The following PXDNL variants were observed in gnomAD, a reference collection of about 807,000 sequenced individuals.
The protein encoded by PXDNL is peroxidasin like.
In PXDNL, 145 loss-of-function variants were observed where a neutral mutation model predicts 150.8. The observed-to-expected ratio is 0.96, with a 90% CI of 0.84 to 1.10. PXDNL has a LOEUF of 1.10. Ranked by LOEUF, PXDNL falls within the 50% of genes least tolerant of loss-of-function variation. The pLI, the probability that PXDNL is intolerant of heterozygous loss-of-function variation, is 0.00. For synonymous variants in PXDNL, 757 were observed against 725.7 expected (o/e 1.04, Z -0.69); for missense variants, 2,087 against 1,873.9 (o/e 1.11, Z -2.10).
intron 1 of PXDNL, among the ~76,000 whole-genome samples, chr8:51,777,110 C>A (rs1386966838): frequency 6.6e-6 from 1 of 152,198 alleles, no homozygotes; most frequent in African/African-American, 2.4e-5. Flanking sequence ...CTTACAGCCA[C>A]ATGCCCATTT....
chr8:51,668,235 C>T (rs1012424183), intron 1 of PXDNL, among the ~76,000 whole-genome samples: 20 of 130,198 alleles, frequency 1.5e-4, no homozygotes, highest in East Asian at 4.7e-4. Context: ...CATGCAGTGG[C>T]GCTATCTCAG....
chr8:51,761,647 T>C (rs1464486673), intron 1 of PXDNL, among the ~76,000 whole-genome samples: 1 of 152,204 alleles, frequency 6.6e-6, no homozygotes, highest in Non-Finnish European at 1.5e-5. Context: ...GGTTTTCTGG[T>C]ATTCTTTTTC....
At chr8:51,592,826 G>T in intron 2 of PXDNL, 128 bp from the exon 3 acceptor site, 1 of 544,360 alleles carries the variant, frequency 1.8e-6, no homozygotes, top group Non-Finnish European at 3.0e-6. Flanking sequence ...CACTAAATTT[G>T]GAAATTTATA....
At chr8:51,548,546 C>G (rs1812413921) in intron 4 of PXDNL, among the ~76,000 whole-genome samples, 1 of 152,034 alleles carries the variant, frequency 6.6e-6, no homozygotes, top group Admixed American at 6.6e-5. Context: ...CCTCCTTAAA[C>G]AAAATAATTG....
At chr8:51,335,906 C>T (rs902340954) in intron 21 of PXDNL, among the ~76,000 whole-genome samples, 8 of 152,170 alleles carry the variant, frequency 5.3e-5, no homozygotes, top group Admixed American at 2.6e-4. Flanking sequence ...ATTTGCAGAC[C>T]ACTTTGGTTA....
intron 1 of PXDNL, among the ~76,000 whole-genome samples, chr8:51,770,531 A>C (rs2037281813): frequency 6.6e-6 from 1 of 152,202 alleles, no homozygotes; most frequent in Non-Finnish European, 1.5e-5. Flanking sequence ...CCATTGGTCC[A>C]TGAGTCCAGG....
At chr8:51,627,058 T>A (rs528754224) in intron 2 of PXDNL, among the ~76,000 whole-genome samples, 1 of 152,350 alleles carries the variant, frequency 6.6e-6, no homozygotes, top group South Asian at 2.1e-4. Flanking sequence ...AAAGCATATA[T>A]CTTTATTTGA....
At chr8:51,776,856 T>C (rs1272509756) in intron 1 of PXDNL, among the ~76,000 whole-genome samples, 1 of 152,110 alleles carries the variant, frequency 6.6e-6, no homozygotes, top group Non-Finnish European at 1.5e-5. Context: ...TAAATAATTT[T>C]TTCTTTAACT....
intron 1 of PXDNL, among the ~76,000 whole-genome samples, chr8:51,766,945 G>A (rs2037238384): frequency 6.6e-6 from 1 of 151,976 alleles, no homozygotes; most frequent in Non-Finnish European, 1.5e-5. Flanking sequence ...ATGATCATGT[G>A]TATGTTGGTG....
chr8:51,521,940 G>A (rs992436327), intron 4 of PXDNL, among the ~76,000 whole-genome samples: 19 of 152,244 alleles, frequency 1.2e-4, no homozygotes, highest in Middle Eastern at 3.4e-3. Context: ...AAAGGTGAAA[G>A]AGAAATAGAC....
intron 4 of PXDNL, among the ~76,000 whole-genome samples, chr8:51,535,029 G>C (rs1306513183): frequency 1.7e-5 from 2 of 115,110 alleles, no homozygotes; most frequent in Non-Finnish European, 3.3e-5. Context: ...ACCTCTGCCC[G>C]GCCGCCCCTA....
chr8:51,596,658 G>A (rs1183370144), intron 2 of PXDNL, among the ~76,000 whole-genome samples: 1 of 152,092 alleles, frequency 6.6e-6, no homozygotes, highest in East Asian at 1.9e-4. Context: ...GATGATTCGT[G>A]ATGATGAGCA....
intron 1 of PXDNL, among the ~76,000 whole-genome samples, chr8:51,760,538 A>C (rs1355457123): frequency 6.6e-6 from 1 of 152,224 alleles, no homozygotes; most frequent in African/African-American, 2.4e-5. Context: ...AAGTGCTTGA[A>C]CTTTCTAACT....
intron 4 of PXDNL, among the ~76,000 whole-genome samples, chr8:51,541,885 CA>C (rs1316677454): frequency 6.6e-6 from 1 of 152,148 alleles, no homozygotes; most frequent in African/African-American, 2.4e-5. Context: ...CATGTTTTCT[CA>C]TTTTCTACGA....
At chr8:51,511,989 C>A (rs1448268683) in intron 4 of PXDNL, among the ~76,000 whole-genome samples, 1 of 152,206 alleles carries the variant, frequency 6.6e-6, no homozygotes, top group African/African-American at 2.4e-5. Context: ...AAAGGAATGG[C>A]TGCCTGCTCT....
chr8:51,637,787 A>G (rs1307041815), intron 2 of PXDNL, among the ~76,000 whole-genome samples: 1 of 152,242 alleles, frequency 6.6e-6, no homozygotes, highest in Non-Finnish European at 1.5e-5. Flanking sequence ...TCAGGATATT[A>G]TCCAGGAGAA....
chr8:51,341,694 A>G (rs1266119520), intron 20 of PXDNL, among the ~76,000 whole-genome samples: 1 of 152,236 alleles, frequency 6.6e-6, no homozygotes, highest in Non-Finnish European at 1.5e-5. Context: ...GATACCTCAT[A>G]TAAACAGAAT....
At chr8:51,521,922 T>C (rs960494836) in intron 4 of PXDNL, among the ~76,000 whole-genome samples, 6 of 152,216 alleles carry the variant, frequency 3.9e-5, no homozygotes, top group South Asian at 2.1e-4. Flanking sequence ...CCCAGTGAAG[T>C]TGACTTCAAA....
At chr8:51,469,301 G>A (rs1810272055) in intron 8 of PXDNL, among the ~76,000 whole-genome samples, 1 of 152,038 alleles carries the variant, frequency 6.6e-6, no homozygotes. Context: ...ACAGTGAAGA[G>A]TATAGATTTA....
Sources: allele counts gnomAD v4.1 joint callset (sites outside exome capture counted in the v4.1 genomes callset), GRCh38; gene constraint gnomAD v4.1.1; transcripts MANE v1.5; gene names NCBI Gene and HGNC (gene_info 2026-07-23, HGNC 2026-07-21).